The following ANO6 variants were observed in gnomAD, a reference collection of about 807,000 sequenced individuals.
ANO6 encodes the protein anoctamin 6, also known as anoctamin-6.
ANO6 carries 106 observed loss-of-function variants against 117.5 expected under a neutral mutation model. The ratio of observed to expected loss-of-function variants is 0.90; its 90% confidence interval spans 0.77 to 1.06. The LOEUF (loss-of-function observed/expected upper bound fraction) is 1.06. Among genes scored for constraint, ANO6 ranks in the 50% least tolerant of loss-of-function variants. ANO6 has a pLI of 0.00. For missense variants in ANO6, 955 were observed against 1,121.1 expected (o/e 0.85, Z 2.12); for synonymous variants, 367 against 385.1 (o/e 0.95, Z 0.55).
intron 2 of ANO6, among the ~76,000 whole-genome samples, chr12:45,303,627 T>C (rs1206837707): frequency 6.6e-6 from 1 of 152,208 alleles, no homozygotes; most frequent in Non-Finnish European, 1.5e-5. Context: ...TCTCGGCAGT[T>C]TGTTGCCACA....
At chr12:45,409,699 T>C (rs927199707) in intron 16 of ANO6, among the ~76,000 whole-genome samples, 4 of 152,214 alleles carry the variant, frequency 2.6e-5, no homozygotes, top group Admixed American at 2.0e-4. Context: ...AAGCTAGAAA[T>C]TTATTACTGG....
At chr12:45,365,945 G>A (rs1941672942) in intron 8 of ANO6, among the ~76,000 whole-genome samples, 2 of 152,058 alleles carry the variant, frequency 1.3e-5, no homozygotes, top group Admixed American at 6.6e-5. Flanking sequence ...TGGAGGGAGA[G>A]GGTTTTCCAA....
At chr12:45,358,598 C>G in intron 8 of ANO6, among the ~76,000 whole-genome samples, 1 of 152,116 alleles carries the variant, frequency 6.6e-6, no homozygotes, top group Non-Finnish European at 1.5e-5. Context: ...CACATATTTC[C>G]TAGCATTTCA....
chr12:45,288,742 T>G (rs999931041), intron 1 of ANO6, among the ~76,000 whole-genome samples: 6 of 152,146 alleles, frequency 3.9e-5, no homozygotes, highest in Non-Finnish European at 8.8e-5. Flanking sequence ...TACATAACTT[T>G]TTTGTTTGTT....
At chr12:45,400,391 T>C (rs951131287) in intron 12 of ANO6, among the ~76,000 whole-genome samples, 23 of 152,208 alleles carry the variant, frequency 1.5e-4, no homozygotes, top group African/African-American at 5.3e-4. Context: ...TTTTTACATA[T>C]ACACACAAAT....
intron 2 of ANO6, among the ~76,000 whole-genome samples, chr12:45,328,720 T>C (rs552650105): frequency 2.6e-5 from 4 of 152,302 alleles, no homozygotes; most frequent in African/African-American, 9.6e-5. Flanking sequence ...AATAGAAGAT[T>C]CCATATTTTT....
intron 1 of ANO6, among the ~76,000 whole-genome samples, chr12:45,262,889 G>A (rs949084307): frequency 2.6e-5 from 4 of 152,182 alleles, no homozygotes; most frequent in Non-Finnish European, 2.9e-5. Flanking sequence ...ACTTTGTGGC[G>A]AAAGTAGTGA....
intron 1 of ANO6, among the ~76,000 whole-genome samples, chr12:45,240,571 G>T (rs984810911): frequency 3.3e-5 from 5 of 151,776 alleles, no homozygotes; most frequent in Non-Finnish European, 4.4e-5. Flanking sequence ...ATATTGTTAT[G>T]TGTAAATTTG....
intron 12 of ANO6, among the ~76,000 whole-genome samples, chr12:45,391,516 A>G (rs940693611): frequency 1.3e-5 from 2 of 152,202 alleles, no homozygotes; most frequent in African/African-American, 2.4e-5. Context: ...TGGGGGGACA[A>G]TAAATGTTAA....
At chr12:45,369,115 G>A (rs1186687215) in intron 9 of ANO6, among the ~76,000 whole-genome samples, 2 of 152,044 alleles carry the variant, frequency 1.3e-5, no homozygotes, top group South Asian at 2.1e-4. Flanking sequence ...CTGATTGCAG[G>A]GTGTTGTCAA....
intron 2 of ANO6, among the ~76,000 whole-genome samples, chr12:45,327,201 C>G (rs1294283352): frequency 6.6e-6 from 1 of 152,010 alleles, no homozygotes; most frequent in Non-Finnish European, 1.5e-5. Context: ...TGGGCAGTAT[C>G]CATAGCAAAG....
At chr12:45,222,401 TC>T (rs1947417579) in intron 1 of ANO6, among the ~76,000 whole-genome samples, 6 of 152,170 alleles carry the variant, frequency 3.9e-5, no homozygotes, top group Admixed American at 3.9e-4. Flanking sequence ...TCTCAGGTGA[TC>T]CGCCTGCCTC....
intron 1 of ANO6, among the ~76,000 whole-genome samples, chr12:45,275,281 G>T (rs975815394): frequency 2.0e-5 from 3 of 152,100 alleles, no homozygotes; most frequent in South Asian, 4.2e-4. Flanking sequence ...CGCCATCTCG[G>T]CTCACTGCAA....
chr12:45,438,560 T>C (rs1480772557), intron 19 of ANO6, among the ~76,000 whole-genome samples: 2 of 152,120 alleles, frequency 1.3e-5, no homozygotes, highest in Non-Finnish European at 2.9e-5. Flanking sequence ...GAAAATAAAA[T>C]TACCTTCAGG....
intron 16 of ANO6, among the ~76,000 whole-genome samples, chr12:45,415,225 T>C (rs1395507197): frequency 6.6e-6 from 1 of 152,242 alleles, no homozygotes; most frequent in Non-Finnish European, 1.5e-5. Context: ...TTATTTGTTT[T>C]TTCTTAAGTC....
At chr12:45,295,114 C>A (rs1939243661) in intron 1 of ANO6, among the ~76,000 whole-genome samples, 1 of 152,284 alleles carries the variant, frequency 6.6e-6, no homozygotes, top group South Asian at 2.1e-4. Context: ...TGATTCAAGT[C>A]CATTGTCCTG....
Position 45,430,453 on chromosome 12 carries a change from A to G in ANO6, c.*1142A>G. ...TGTATGCCAAAGTGATCAACACACC[A>G]AAGTCTCTGCCATAAAGAATGTGGC... is the stretch of plus-strand genomic sequence containing the variant. On this transcript the variant is annotated 3_prime_UTR_variant, in exon 20 of 20. Coordinates refer to ENST00000320560, the MANE Select transcript of ANO6 (RefSeq NM_001025356.3). 2 of 985,406 alleles carry G rather than the reference A, an allele frequency of 2.0e-6. No homozygotes were observed. Among genetic ancestry groups the G allele is most frequent in the Non-Finnish European group, 2.4e-6 (2 of 829,934 alleles). The allele number at this position is 985,406 out of a possible 1,614,324, so 61.0% of individuals were successfully genotyped here.
At chr12:45,226,368 T>C (rs1464325202) in intron 1 of ANO6, among the ~76,000 whole-genome samples, 2 of 151,956 alleles carry the variant, frequency 1.3e-5, no homozygotes, top group Non-Finnish European at 2.9e-5. Context: ...GCTTTCATAA[T>C]AGTACATTGG....
chr12:45,258,127 T>TG (rs1288078400), intron 1 of ANO6, among the ~76,000 whole-genome samples: 3 of 152,208 alleles, frequency 2.0e-5, no homozygotes, highest in Admixed American at 6.5e-5. Context: ...AGTCGTGTGG[T>TG]GTTGGACACC....
Sources: allele counts gnomAD v4.1 joint callset (sites outside exome capture counted in the v4.1 genomes callset), GRCh38; gene constraint gnomAD v4.1.1; transcripts MANE v1.5; gene names NCBI Gene and HGNC (gene_info 2026-07-23, HGNC 2026-07-21).